ARSJ: variants seen among roughly 807,000 people sequenced by gnomAD.
The protein encoded by ARSJ is arylsulfatase J.
In ARSJ, 26 loss-of-function variants were observed where a neutral mutation model predicts 35.9. The ratio of observed to expected loss-of-function variants is 0.72; its 90% CI spans 0.53 to 1.00. The LOEUF (loss-of-function observed/expected upper bound fraction) is 1.00, where lower values mean the gene tolerates loss of function less well. Ranked by LOEUF, ARSJ falls within the 50% of genes least tolerant of loss-of-function variation. The pLI is 0.00. For missense variants in ARSJ, 667 were observed against 723.6 expected (o/e 0.92, Z 0.90); for synonymous variants, 294 against 267.6 (o/e 1.10, Z -0.96).
intron 1 of ARSJ, among the ~76,000 whole-genome samples, chr4:113,906,354 C>T (rs1469250528): frequency 6.6e-6 from 1 of 151,984 alleles, no homozygotes; most frequent in Non-Finnish European, 1.5e-5. Context: ...ATACAGGAAA[C>T]GTTTGCAGAA....
At chr4:113,904,269 A>G (rs1168016700) in intron 1 of ARSJ, among the ~76,000 whole-genome samples, 1 of 152,146 alleles carries the variant, frequency 6.6e-6, no homozygotes, top group Non-Finnish European at 1.5e-5. Context: ...ATTAATTTGA[A>G]TACACTTTAA....
Position 113,979,080 on chromosome 4 carries a change from C to G in ARSJ, c.-246G>C, listed in dbSNP as rs898498723. ...TTTCACTTTCTCCTCCTCCTCCCCCCTCCCTAGAGCAGCTTCCACCAAGGA... is the reference window on the plus strand; with the variant it reads ...TTTCACTTTCTCCTCCTCCTCCCCCGTCCCTAGAGCAGCTTCCACCAAGGA... On this transcript the variant is annotated 5_prime_UTR_variant, in exon 1 of 2. Coordinates refer to ENST00000315366, the MANE Select transcript of ARSJ (RefSeq NM_024590.4). 6 of 400,876 alleles carry G rather than the reference C, an allele frequency of 1.5e-5. No homozygotes were observed. The highest frequency in any genetic ancestry group is 2.6e-5 in the Non-Finnish European group (6 of 226,554). 24.8% of individuals were successfully genotyped at this position (400,876 alleles called of 1,614,324 possible). A position where few individuals can be genotyped will look rare whatever the true frequency, so the allele number is the denominator to read the frequency against.
intron 1 of ARSJ, among the ~76,000 whole-genome samples, chr4:113,927,094 A>G (rs1724118821): frequency 6.6e-6 from 1 of 152,132 alleles, no homozygotes; most frequent in African/African-American, 2.4e-5. Context: ...GGGTCACTCA[A>G]TAAAAGGGTC....
In ARSJ at chr4:113,978,761, A is replaced by G. The variant is rs1727749801; in HGVS notation, c.74T>C (p.Leu25Pro). The G allele has an allele frequency of 1.2e-6, 2 of 1,614,244 alleles. No homozygotes were observed. Among genetic ancestry groups the G allele is most frequent in the Non-Finnish European group, 1.7e-6 (2 of 1,180,044 alleles). ...GAATCCTGCCAGCGCCCCCATTGCTAGCATCTTTCCAGGACAGACACAGGC... is the reference window on the plus strand; with the variant it reads ...GAATCCTGCCAGCGCCCCCATTGCTGGCATCTTTCCAGGACAGACACAGGC... ...PQACVCPGKM[L>P]AMGALAGFWI... Residue 25 changes from leucine to proline, a missense_variant, in exon 1 of 2, where the codon CTA becomes CCA. Coordinates refer to ENST00000315366, the MANE Select transcript of ARSJ (RefSeq NM_024590.4).
At chr4:113,971,281 T>A (rs1305569769) in intron 1 of ARSJ, among the ~76,000 whole-genome samples, 2 of 152,216 alleles carry the variant, frequency 1.3e-5, no homozygotes, top group African/African-American at 4.8e-5. Context: ...GCCCTAGGTC[T>A]TTTGGTTCTC....
chr4:113,901,341 C>T lies in ARSJ; in HGVS notation c.*933G>A, dbSNP rs1007005467. The T allele has an allele frequency of 2.6e-5, 4 of 151,978 alleles. No individual in the cohort carries two copies. The highest frequency in any genetic ancestry group is 1.5e-5 in the Non-Finnish European group (1 of 67,986). 9.4% of individuals were successfully genotyped at this position (151,978 alleles called of 1,614,324 possible). The stretch of plus-strand genomic sequence containing the variant: ...ATTCAAAATCTTGGTTGAACAATGA[C>T]GATTATAAAGTTTTCTGAATGATGT... On this transcript the variant is annotated 3_prime_UTR_variant, in exon 2 of 2. Transcript: ENST00000315366.
At chr4:113,943,582 C>G (rs572578760) in intron 1 of ARSJ, 138 of 152,110 alleles carry the variant, frequency 9.1e-4, no homozygotes, top group African/African-American at 3.2e-3. Context: ...CACTTTGCAA[C>G]CAAGAAAATT....
chr4:113,962,046 C>A (rs1726579780), intron 1 of ARSJ, among the ~76,000 whole-genome samples: 1 of 152,018 alleles, frequency 6.6e-6, no homozygotes, highest in Admixed American at 6.6e-5. Flanking sequence ...CTGTTGATTT[C>A]TTTTAATCAT....
intron 1 of ARSJ, among the ~76,000 whole-genome samples, chr4:113,949,528 C>T (rs188191648): frequency 5.3e-5 from 8 of 152,036 alleles, no homozygotes; most frequent in Non-Finnish European, 1.0e-4. Flanking sequence ...TTGCCATTTC[C>T]GAAAGAAGTT....
rs76832195 is a variant in ARSJ, at chr4:113,914,479, C to A, written c.399-10804G>T. Among the ~76,000 whole-genome samples the A allele has an allele frequency of 4.0e-5, 6 of 151,806 alleles. No individual in the cohort carries two copies. In the South Asian group the frequency reaches 1.2e-3, roughly 31 times the overall value. ...GTGGTTTTTCCAGAAAACAGCCCAA[C>A]AAAAAAAATGGTAATGTTCTCCCAT... On this transcript the variant is annotated intron_variant, in intron 1 of 1. Transcript: ENST00000315366.
chr4:113,902,054 ACT>A lies in ARSJ; in HGVS notation c.*218_*219del. 1 of 1,401,286 alleles carries A rather than the reference ACT, an allele frequency of 7.1e-7. No individual in the cohort carries two copies. Among genetic ancestry groups the A allele is most frequent in the South Asian group, 1.3e-5 (1 of 77,620 alleles). The allele number at this position is 1,401,286 out of a possible 1,614,324, so 86.8% of individuals were successfully genotyped here. A position where few individuals can be genotyped will look rare whatever the true frequency, so the allele number is the denominator to read the frequency against. ...AGGAGCAAGAGAAATAAACATCTCCACTCTCTCTAAGTGTGGCTTGCAAGAGT... is the reference window on the plus strand; with the variant it reads ...AGGAGCAAGAGAAATAAACATCTCCACTCTCTAAGTGTGGCTTGCAAGAGT... On this transcript the variant is annotated 3_prime_UTR_variant, in exon 2 of 2. Coordinates refer to ENST00000315366, the MANE Select transcript of ARSJ (RefSeq NM_024590.4).
Position 113,978,924 on chromosome 4 carries a change from C to G in ARSJ, c.-90G>C. ...ACATGCACCCAACAGACGGTGAAGA[C>G]TCTCCACCTGGCAAGAAATCCTCCT... On this transcript the variant is annotated 5_prime_UTR_variant, in exon 1 of 2. Coordinates refer to ENST00000315366, the MANE Select transcript of ARSJ (RefSeq NM_024590.4). 1 of 1,366,758 alleles carries G rather than the reference C, an allele frequency of 7.3e-7. No individual in the cohort carries two copies. The highest frequency in any genetic ancestry group is 9.9e-7 in the Non-Finnish European group (1 of 1,009,038). 84.7% of individuals were successfully genotyped at this position (1,366,758 alleles called of 1,614,324 possible).
intron 1 of ARSJ, among the ~76,000 whole-genome samples, chr4:113,957,833 A>T (rs1053587456): frequency 6.6e-6 from 1 of 152,134 alleles, no homozygotes. Flanking sequence ...ATGTAACAGC[A>T]GTCTAAAAAT....
chr4:113,951,015 G>T (rs751182067), intron 1 of ARSJ, among the ~76,000 whole-genome samples: 2 of 152,074 alleles, frequency 1.3e-5, no homozygotes, highest in Non-Finnish European at 2.9e-5. Flanking sequence ...TTTTAAAAAT[G>T]CTTGAAGAAA....
intron 1 of ARSJ, among the ~76,000 whole-genome samples, chr4:113,924,634 C>G (rs2149260820): frequency 6.6e-6 from 1 of 152,252 alleles, no homozygotes; most frequent in Middle Eastern, 3.4e-3. Context: ...CAGAAGTGCA[C>G]TAATCCCCAC....
intron 1 of ARSJ, among the ~76,000 whole-genome samples, chr4:113,913,734 T>A (rs1170316509): frequency 6.6e-6 from 1 of 152,180 alleles, no homozygotes; most frequent in Non-Finnish European, 1.5e-5. Flanking sequence ...GACTACAGAA[T>A]AATGTAAAAT....
At chr4:113,924,058 T>A (rs1220750271) in intron 1 of ARSJ, among the ~76,000 whole-genome samples, 2 of 100,818 alleles carry the variant, frequency 2.0e-5, no homozygotes, top group African/African-American at 5.1e-5. Flanking sequence ...TATATATAAA[T>A]ATATATAAAT....
At chr4:113,949,173 CAG>C (rs886600692) in intron 1 of ARSJ, among the ~76,000 whole-genome samples, 3 of 146,878 alleles carry the variant, frequency 2.0e-5, no homozygotes, top group Admixed American at 6.9e-5. Context: ...GGGAACATAA[CAG>C]GGGGTTGCGG....
In ARSJ at chr4:113,978,903, G is replaced by A. The variant is rs1727765588; in HGVS notation, c.-69C>T. 1 of 1,475,754 alleles carries A rather than the reference G, an allele frequency of 6.8e-7. No individual in the cohort carries two copies. Among genetic ancestry groups the A allele is most frequent in the Non-Finnish European group, 9.1e-7 (1 of 1,100,482 alleles). The allele number at this position is 1,475,754 out of a possible 1,614,324, so 91.4% of individuals were successfully genotyped here. A position where few individuals can be genotyped will look rare whatever the true frequency, so the allele number is the denominator to read the frequency against. ...CCCGCGCCGCTGCGGGCGCACACAT[G>A]CACCCAACAGACGGTGAAGACTCTC... On this transcript the variant is annotated 5_prime_UTR_variant, in exon 1 of 2. Coordinates refer to ENST00000315366, the MANE Select transcript of ARSJ (RefSeq NM_024590.4).
Sources: gnomAD v4.1 joint callset for allele counts (sites outside exome capture counted in the v4.1 genomes callset) on GRCh38, gnomAD v4.1.1 for gene constraint, MANE v1.5 for transcripts, NCBI Gene and HGNC (gene_info 2026-07-23, HGNC 2026-07-21) for gene names.